The following ALDH1A2 variants were observed in gnomAD, a reference collection of about 807,000 sequenced individuals.
ALDH1A2 encodes the protein retinal dehydrogenase 2.
Under a neutral mutation model 60.3 loss-of-function variants are expected in ALDH1A2, and 27 were observed. The ratio of observed to expected loss-of-function variants is 0.45; its 90% CI spans 0.33 to 0.62. The LOEUF (loss-of-function observed/expected upper bound fraction) is 0.62, where lower values mean the gene tolerates loss of function less well. Ranked by LOEUF, ALDH1A2 falls within the 20% of genes least tolerant of loss-of-function variation. ALDH1A2 has a pLI of 0.02. For missense variants in ALDH1A2, 581 were observed against 643.8 expected (o/e 0.90, Z 1.06); for synonymous variants, 289 against 232.4 (o/e 1.24, Z -2.21).
rs1355036588 is a variant in ALDH1A2, at chr15:58,013,861, A to G, written c.360T>C (p.Leu120=). 3.7e-6 allele frequency: 6 copies of G among 1,614,068 alleles called. No individual in the cohort carries two copies. Residue 120 remains leucine (L), a synonymous_variant, in exon 3 of 13, where the codon CTT becomes CTC. Coordinates refer to ENST00000249750, the MANE Select transcript of ALDH1A2 (RefSeq NM_003888.4). Reference sequence around the variant, plus strand: ...AATGTTTTCTTAGGTTACTTACTGCAAGAACTGCCCTGTCCCGTTCCACCA... The same window carrying G: ...AATGTTTTCTTAGGTTACTTACTGCGAGAACTGCCCTGTCCCGTTCCACCA... ...ADLVERDRAV[L]ATMESLNGGK... is the part of the protein sequence containing the mutation.
At chr15:58,052,766 C>T (rs1896807193) in intron 1 of ALDH1A2, among the ~76,000 whole-genome samples, 2 of 152,104 alleles carry the variant, frequency 1.3e-5, no homozygotes, top group African/African-American at 4.8e-5. Context: ...TCTTCTAATG[C>T]CCTGTCCAGT....
chr15:58,034,928 T>G (rs913506775), intron 1 of ALDH1A2, among the ~76,000 whole-genome samples: 1 of 151,682 alleles, frequency 6.6e-6, no homozygotes, highest in Admixed American at 6.6e-5. Flanking sequence ...TAGTTTGTAG[T>G]ATTCCATTCT....
At chr15:57,997,573 A>C (rs1442597068) in intron 4 of ALDH1A2, among the ~76,000 whole-genome samples, 2 of 151,998 alleles carry the variant, frequency 1.3e-5, no homozygotes, top group Non-Finnish European at 2.9e-5. Flanking sequence ...CTCACAAGGC[A>C]ACTACACAAG....
chr15:58,008,100 A>T (rs1895516492), intron 4 of ALDH1A2, among the ~76,000 whole-genome samples: 1 of 152,062 alleles, frequency 6.6e-6, no homozygotes, highest in African/African-American at 2.4e-5. Context: ...CTCTACCTCC[A>T]TCCTTCCCTC....
At chr15:58,007,610 C>A (rs139015810) in intron 4 of ALDH1A2, among the ~76,000 whole-genome samples, 2 of 151,988 alleles carry the variant, frequency 1.3e-5, no homozygotes, top group Non-Finnish European at 2.9e-5. Flanking sequence ...AGATCACACA[C>A]AGAATCACAT....
At chr15:57,988,496 C>T (rs543330085) in intron 7 of ALDH1A2, among the ~76,000 whole-genome samples, 15 of 152,158 alleles carry the variant, frequency 9.9e-5, no homozygotes, top group Non-Finnish European at 1.6e-4. Flanking sequence ...AATGAAAACA[C>T]GAAGAGTAGA....
intron 4 of ALDH1A2, among the ~76,000 whole-genome samples, chr15:58,003,558 A>T (rs139592612): frequency 6.6e-6 from 1 of 151,984 alleles, no homozygotes; most frequent in South Asian, 2.1e-4. Context: ...ATTCAGCTTA[A>T]AACATGGACA....
Position 57,993,010 on chromosome 15 carries a change from C to A in ALDH1A2, c.619G>T (p.Val207Leu). The A allele has an allele frequency of 6.2e-7, 1 of 1,613,836 alleles. No homozygotes were observed. Among genetic ancestry groups the A allele is most frequent in the Non-Finnish European group, 8.5e-7 (1 of 1,179,998 alleles). The change falls in exon 6 of 13, where the codon GTA (valine) becomes TTA (leucine). Residue 207 changes from valine (V) to leucine (L), a missense_variant. By Grantham distance (32) the Val-to-Leu change is conservative (BLOSUM62 1). Coordinates refer to ENST00000249750, the MANE Select transcript of ALDH1A2 (RefSeq NM_003888.4). ...GTTTGCTCTGCTGGCTTAATAACTA[C>A]TGTATTGCCACAGCACAAAGCTGGA... ...IAPALCCGNTVVIKPAEQTPL... is the reference protein window; with the variant it reads ...IAPALCCGNTLVIKPAEQTPL...
At chr15:58,060,710 G>T (rs755612158) in intron 1 of ALDH1A2, among the ~76,000 whole-genome samples, 2 of 152,052 alleles carry the variant, frequency 1.3e-5, no homozygotes, top group South Asian at 4.1e-4. Flanking sequence ...GAAAGCTGCC[G>T]CAGACAGTAT....
chr15:58,053,440 G>C (rs1353736657), intron 1 of ALDH1A2, among the ~76,000 whole-genome samples: 1 of 152,110 alleles, frequency 6.6e-6, no homozygotes, highest in African/African-American at 2.4e-5. Context: ...CACAATTACA[G>C]ACACTCACAA....
At chr15:58,029,168 A>G (rs1896161325) in intron 1 of ALDH1A2, among the ~76,000 whole-genome samples, 1 of 152,208 alleles carries the variant, frequency 6.6e-6, no homozygotes, top group Non-Finnish European at 1.5e-5. Context: ...CAGCAAATGT[A>G]AAAGAACAGA....
chr15:58,014,132 A>C, intron 2 of ALDH1A2, 45 bp downstream of exon 2: 1 of 1,614,104 alleles, frequency 6.2e-7, no homozygotes, highest in Admixed American at 1.7e-5. Context: ...CTGCTGTTTG[A>C]AGGCAGTTAT....
intron 7 of ALDH1A2, among the ~76,000 whole-genome samples, chr15:57,970,868 T>C (rs1894040974): frequency 6.6e-6 from 1 of 152,224 alleles, no homozygotes; most frequent in South Asian, 2.1e-4. Flanking sequence ...ATTTTCATTG[T>C]TATGCTTCCT....
At chr15:58,028,437 T>G (rs564310835) in intron 1 of ALDH1A2, among the ~76,000 whole-genome samples, 1 of 152,246 alleles carries the variant, frequency 6.6e-6, no homozygotes, top group African/African-American at 2.4e-5. Context: ...TACCAGCCAC[T>G]GCAAAAAACA....
intron 1 of ALDH1A2, among the ~76,000 whole-genome samples, chr15:58,049,680 C>A (rs1896726464): frequency 6.6e-6 from 1 of 152,044 alleles, no homozygotes; most frequent in Non-Finnish European, 1.5e-5. Flanking sequence ...AATGTCTGAT[C>A]ACTACCCACT....
At chr15:58,047,191 A>T (rs1165425506) in intron 1 of ALDH1A2, among the ~76,000 whole-genome samples, 1 of 152,052 alleles carries the variant, frequency 6.6e-6, no homozygotes, top group Non-Finnish European at 1.5e-5. Context: ...ATCCTCAGTG[A>T]ATCTTTGACA....
At chr15:58,010,059 G>A (rs1416091718) in intron 4 of ALDH1A2, among the ~76,000 whole-genome samples, 4 of 151,980 alleles carry the variant, frequency 2.6e-5, no homozygotes, top group African/African-American at 7.2e-5. Flanking sequence ...TTTTTGTATT[G>A]TTGATTCTGT....
At chr15:57,988,137 A>C (rs1405749914) in intron 7 of ALDH1A2, among the ~76,000 whole-genome samples, 1 of 152,184 alleles carries the variant, frequency 6.6e-6, no homozygotes, top group Non-Finnish European at 1.5e-5. Flanking sequence ...AAACAGCAGC[A>C]ATGTATTGTG....
At chr15:57,992,407 C>T (rs1438111460) in intron 7 of ALDH1A2, among the ~76,000 whole-genome samples, 5 of 152,190 alleles carry the variant, frequency 3.3e-5, no homozygotes, top group Non-Finnish European at 7.3e-5. Flanking sequence ...TTTAGATTTC[C>T]AGCTTCTTAA....
Sources: allele counts gnomAD v4.1 joint callset (sites outside exome capture counted in the v4.1 genomes callset), GRCh38; gene constraint gnomAD v4.1.1; transcripts MANE v1.5; gene names NCBI Gene and HGNC (gene_info 2026-07-23, HGNC 2026-07-21).